The following TLL1 variants were observed in gnomAD, a reference collection of about 807,000 sequenced individuals.
TLL1 encodes the protein tolloid-like protein 1.
Under a neutral mutation model 128.2 loss-of-function variants are expected in TLL1, and 49 were observed. The observed-to-expected ratio is 0.38, with a 90% CI of 0.30 to 0.48. The LOEUF (loss-of-function observed/expected upper bound fraction) is 0.48. Among genes scored for constraint, TLL1 ranks in the 20% least tolerant of loss-of-function variants. TLL1 has a pLI of 0.96. For synonymous variants in TLL1, 454 were observed against 418.8 expected (o/e 1.08, Z -1.03); for missense variants, 1,123 against 1,242.0 (o/e 0.90, Z 1.44).
intron 16 of TLL1, 104 bp from the exon 17 acceptor site, chr4:166,074,774 C>T: frequency 7.2e-7 from 1 of 1,395,680 alleles, no homozygotes. Context: ...GAAACCATGA[C>T]TTAGTTTACC....
intron 9 of TLL1, among the ~76,000 whole-genome samples, chr4:166,037,670 T>C (rs530344086): frequency 6.6e-6 from 1 of 152,096 alleles, no homozygotes; most frequent in Admixed American, 6.6e-5. Flanking sequence ...TAGCTGGACG[T>C]GGTGGCGGGC....
chr4:166,002,055 T>C (rs1350988012), intron 5 of TLL1, among the ~76,000 whole-genome samples: 2 of 152,198 alleles, frequency 1.3e-5, no homozygotes, highest in African/African-American at 4.8e-5. Context: ...TATAACAAAA[T>C]GTCATAGACT....
intron 1 of TLL1, among the ~76,000 whole-genome samples, chr4:165,922,234 A>G (rs1222514818): frequency 6.6e-6 from 1 of 152,192 alleles, no homozygotes; most frequent in Non-Finnish European, 1.5e-5. Flanking sequence ...TAAACAACAT[A>G]AACTTAAGAG....
intron 14 of TLL1, among the ~76,000 whole-genome samples, chr4:166,059,043 T>G (rs1241575412): frequency 6.6e-6 from 1 of 152,118 alleles, no homozygotes; most frequent in Non-Finnish European, 1.5e-5. Flanking sequence ...AGTATATTTT[T>G]AAAAGAGGAC....
At chr4:166,044,796 A>C (rs1438637384) in intron 12 of TLL1, among the ~76,000 whole-genome samples, 1 of 152,202 alleles carries the variant, frequency 6.6e-6, no homozygotes, top group African/African-American at 2.4e-5. Context: ...GTGATATTTC[A>C]AGAATTAAGA....
At chr4:165,949,538 G>A (rs1180211155) in intron 1 of TLL1, among the ~76,000 whole-genome samples, 2 of 152,106 alleles carry the variant, frequency 1.3e-5, no homozygotes, top group Admixed American at 6.6e-5. Flanking sequence ...TTTTCATGCT[G>A]CTGATAAAGA....
intron 1 of TLL1, among the ~76,000 whole-genome samples, chr4:165,955,656 A>T (rs1472894796): frequency 6.6e-6 from 1 of 152,118 alleles, no homozygotes; most frequent in Non-Finnish European, 1.5e-5. Context: ...ATTGAAAGAA[A>T]TTTCAACCAA....
intron 1 of TLL1, among the ~76,000 whole-genome samples, chr4:165,938,963 G>C (rs1467486079): frequency 6.6e-6 from 1 of 151,684 alleles, no homozygotes; most frequent in South Asian, 2.1e-4. Context: ...TTTCCTGGAA[G>C]ATTGTTTTCG....
intron 12 of TLL1, among the ~76,000 whole-genome samples, chr4:166,052,810 T>A (rs1739807050): frequency 6.6e-6 from 1 of 151,858 alleles, no homozygotes; most frequent in Non-Finnish European, 1.5e-5. Flanking sequence ...TCATTTATTC[T>A]GTTATCAAAC....
intron 1 of TLL1, among the ~76,000 whole-genome samples, chr4:165,959,468 T>C (rs948472736): frequency 4.0e-5 from 6 of 151,554 alleles, no homozygotes; most frequent in Admixed American, 4.0e-4. Flanking sequence ...TATTCTCTTT[T>C]AACTCAACAC....
chr4:166,044,542 C>T, intron 12 of TLL1: 2 of 970,030 alleles, frequency 2.1e-6, no homozygotes, highest in East Asian at 2.7e-5. Flanking sequence ...CTACTTTAAT[C>T]ATTATGTTGT....
chr4:165,930,345 T>A (rs1490072414), intron 1 of TLL1, among the ~76,000 whole-genome samples: 1 of 152,198 alleles, frequency 6.6e-6, no homozygotes, highest in African/African-American at 2.4e-5. Context: ...ATCTTAAGTA[T>A]GATATAGGAG....
chr4:166,077,239 A>C (rs999657033), intron 17 of TLL1, among the ~76,000 whole-genome samples: 1 of 152,050 alleles, frequency 6.6e-6, no homozygotes, highest in Non-Finnish European at 1.5e-5. Context: ...TAAAAAAAAA[A>C]AAAACCCTTA....
intron 1 of TLL1, chr4:165,919,880 G>A (rs746079434): frequency 4.4e-6 from 2 of 454,598 alleles, no homozygotes; most frequent in African/African-American, 2.0e-5. Flanking sequence ...TGGGCTGCCC[G>A]AGCCCTTGAA....
chr4:165,897,662 CTTTTTTTTTTTT>C (rs951819686), intron 1 of TLL1, among the ~76,000 whole-genome samples: 1 of 47,516 alleles, frequency 2.1e-5, no homozygotes, highest in Non-Finnish European at 3.5e-5. Flanking sequence ...GGTAGTCCAG[CTTTTTTTTTTTT>C]TTTTTTTTTT....
chr4:166,006,990 G>A (rs987576443), intron 6 of TLL1, among the ~76,000 whole-genome samples: 7 of 151,562 alleles, frequency 4.6e-5, no homozygotes, highest in Admixed American at 6.6e-5. Context: ...TAGATGAATG[G>A]CATAATAGTT....
chr4:166,062,263 T>C (rs1038799968), intron 15 of TLL1, among the ~76,000 whole-genome samples: 15 of 152,290 alleles, frequency 9.8e-5, no homozygotes, highest in African/African-American at 2.6e-4. Flanking sequence ...AGAAAGTCAT[T>C]GGTAGCTTGA....
chr4:165,917,651 A>T (rs939422031), intron 1 of TLL1, among the ~76,000 whole-genome samples: 5 of 152,130 alleles, frequency 3.3e-5, no homozygotes, highest in Admixed American at 1.3e-4. Context: ...TACAGGATTT[A>T]CATCTTGCCT....
intron 17 of TLL1, 89 bp downstream of exon 17, chr4:166,075,092 C>G: frequency 6.4e-7 from 1 of 1,557,468 alleles, no homozygotes; most frequent in Non-Finnish European, 8.8e-7. Context: ...TTAATCATTT[C>G]AATGAGTGAT....
Sources: allele counts gnomAD v4.1 joint callset (sites outside exome capture counted in the v4.1 genomes callset), GRCh38; gene constraint gnomAD v4.1.1; transcripts MANE v1.5; gene names NCBI Gene and HGNC (gene_info 2026-07-23, HGNC 2026-07-21).